The following MSI2 variants were observed in gnomAD, a reference collection of about 807,000 sequenced individuals.
The protein encoded by MSI2 is musashi RNA binding protein 2.
A neutral mutation model predicts 45.6 loss-of-function variants in MSI2; 17 were observed. The observed-to-expected ratio is 0.37, with a 90% CI of 0.26 to 0.56. MSI2 has a LOEUF of 0.56. Ranked by LOEUF, MSI2 falls within the 20% of genes least tolerant of loss-of-function variation. The pLI is 0.77. For missense variants in MSI2, 293 were observed against 444.2 expected (o/e 0.66, Z 3.06); for synonymous variants, 156 against 158.2 (o/e 0.99, Z 0.11).
At chr17:57,514,662 T>TG (rs1567870784) in intron 6 of MSI2, among the ~76,000 whole-genome samples, 2 of 148,870 alleles carry the variant, frequency 1.3e-5, no homozygotes, top group East Asian at 1.9e-4. Context: ...TTTTTTTTTT[T>TG]TTTTTTTTTT....
intron 7 of MSI2, among the ~76,000 whole-genome samples, chr17:57,534,109 C>A (rs968740343): frequency 5.9e-5 from 9 of 152,238 alleles, no homozygotes; most frequent in African/African-American, 2.2e-4. Context: ...TGATGACAGA[C>A]AGCCATAGGT....
intron 10 of MSI2, among the ~76,000 whole-genome samples, chr17:57,649,887 T>C (rs949252426): frequency 6.6e-6 from 1 of 152,164 alleles, no homozygotes; most frequent in African/African-American, 2.4e-5. Context: ...GTTTCAGATG[T>C]AGGGCACAGA....
intron 7 of MSI2, among the ~76,000 whole-genome samples, chr17:57,592,527 C>T (rs1300160355): frequency 6.6e-6 from 1 of 152,152 alleles, no homozygotes; most frequent in African/African-American, 2.4e-5. Flanking sequence ...TTTCTCTGCT[C>T]GGGCCAAACA....
intron 6 of MSI2, among the ~76,000 whole-genome samples, chr17:57,451,384 A>AGAT (rs2085016261): frequency 6.6e-6 from 1 of 152,332 alleles, no homozygotes; most frequent in South Asian, 2.1e-4. Flanking sequence ...ATAAGTCAGC[A>AGAT]GATGTTAAGT....
chr17:57,687,123 TA>T (rs1420666248), downstream of MSI2, among the ~76,000 whole-genome samples: 3 of 75,884 alleles, frequency 4.0e-5, no homozygotes, highest in African/African-American at 2.2e-4. Flanking sequence ...AAAGATTACA[TA>T]CAAACTGCCA....
intron 7 of MSI2, among the ~76,000 whole-genome samples, chr17:57,558,105 G>A (rs1249014793): frequency 1.3e-5 from 2 of 152,170 alleles, no homozygotes; most frequent in East Asian, 3.9e-4. Flanking sequence ...CTGCTGGCGT[G>A]GGGAGCTGAC....
chr17:57,673,066 G>T (rs763490657), intron 11 of MSI2, among the ~76,000 whole-genome samples: 12 of 152,192 alleles, frequency 7.9e-5, no homozygotes, highest in Admixed American at 1.3e-4. Flanking sequence ...TCACCTTCGG[G>T]CTTCCCGCCC....
Position 57,257,466 on chromosome 17 carries a change from A to G in MSI2, c.104A>G (p.Asp35Gly). The change falls in exon 3 of 14, where the codon GAT becomes GGT. Residue 35 changes from aspartate to glycine, a missense_variant and splice_region_variant. Transcript: ENST00000284073. ...IGGLSWQTSP[D>G]SLRDYFSKFG... ...CATCTCTCTCTTTCTCTCTCTACAG[A>G]TAGCCTTAGAGACTATTTTAGCAAA... 1 of 1,443,026 alleles carries G rather than the reference A, an allele frequency of 6.9e-7. No homozygotes were observed. Among genetic ancestry groups the G allele is most frequent in the South Asian group, 1.1e-5 (1 of 87,266 alleles). The allele number at this position is 1,443,026 out of a possible 1,614,324, so 89.4% of individuals were successfully genotyped here. A position where few individuals can be genotyped will look rare whatever the true frequency, so the allele number is the denominator to read the frequency against.
intron 7 of MSI2, among the ~76,000 whole-genome samples, chr17:57,562,934 C>T (rs2087617271): frequency 6.6e-6 from 1 of 151,726 alleles, no homozygotes; most frequent in African/African-American, 2.4e-5. Flanking sequence ...CCTGTCTCTA[C>T]TAAAAATACA....
intron 7 of MSI2, among the ~76,000 whole-genome samples, chr17:57,579,067 C>T (rs2088129659): frequency 1.3e-5 from 2 of 152,182 alleles, no homozygotes; most frequent in Admixed American, 1.3e-4. Context: ...CCGCTGTCAA[C>T]ATGCATTGGT....
chr17:57,612,805 A>G (rs1049453650), intron 8 of MSI2, among the ~76,000 whole-genome samples: 1 of 152,228 alleles, frequency 6.6e-6, no homozygotes, highest in Non-Finnish European at 1.5e-5. Flanking sequence ...GCAGGTTTTC[A>G]TAAGACAATG....
At chr17:57,434,390 G>A (rs567025519) in intron 6 of MSI2, among the ~76,000 whole-genome samples, 13 of 152,154 alleles carry the variant, frequency 8.5e-5, no homozygotes, top group Non-Finnish European at 1.8e-4. Flanking sequence ...ATGAGCCACC[G>A]TACCTGGCCC....
intron 7 of MSI2, among the ~76,000 whole-genome samples, chr17:57,547,182 G>A (rs2087189380): frequency 6.6e-6 from 1 of 152,214 alleles, no homozygotes; most frequent in African/African-American, 2.4e-5. Flanking sequence ...GGTAGGACAG[G>A]TGGAGGGCTG....
chr17:57,631,697 G>T, intron 10 of MSI2: 1 of 1,063,366 alleles, frequency 9.4e-7, no homozygotes, highest in South Asian at 1.4e-5. Context: ...TATGGGTTGT[G>T]ATCAGGGATC....
intron 6 of MSI2, among the ~76,000 whole-genome samples, chr17:57,481,754 C>G (rs899000545): frequency 3.9e-5 from 6 of 152,160 alleles, no homozygotes; most frequent in African/African-American, 1.4e-4. Context: ...GACTCGGCCT[C>G]AAAGGAACAT....
At chr17:57,462,068 G>A (rs28502829) in intron 6 of MSI2, among the ~76,000 whole-genome samples, 54,956 of 151,996 alleles carry the variant, frequency 0.36, 10,140 homozygotes, top group African/African-American at 0.41. Context: ...GGGCTCTGAG[G>A]GACAGTCTGT....
At chr17:57,421,320 G>C (rs916111944) in intron 6 of MSI2, among the ~76,000 whole-genome samples, 2 of 152,180 alleles carry the variant, frequency 1.3e-5, no homozygotes, top group African/African-American at 4.8e-5. Flanking sequence ...CTTTGACGGA[G>C]TATCTCCAGC....
intron 11 of MSI2, among the ~76,000 whole-genome samples, chr17:57,674,709 TG>T (rs920238693): frequency 6.6e-6 from 1 of 152,212 alleles, no homozygotes; most frequent in Non-Finnish European, 1.5e-5. Context: ...GTTGAATGAT[TG>T]TTTTTTTATT....
In MSI2 at chr17:57,652,205, G is replaced by T; in HGVS notation, c.790+44G>T. On this transcript the variant is annotated intron_variant, in intron 11 of 13. Transcript: ENST00000284073. The surrounding 1 kb of genome is among the most constrained non-coding windows in gnomAD (Gnocchi z 4.1). ...CAGGCGACTCCCAGGCATGCCCCCA[G>T]TGTGCAGGGGGAGGTCAAGGCCCTG... 1 of 1,572,584 alleles carries T rather than the reference G, an allele frequency of 6.4e-7. No individual in the cohort carries two copies. The highest frequency in any genetic ancestry group is 1.3e-5 in the African/African-American group (1 of 74,186).
Sources: gnomAD v4.1 joint callset for allele counts (sites outside exome capture counted in the v4.1 genomes callset) on GRCh38, gnomAD v4.1.1 for gene constraint, Gnocchi (gnomAD v3.1) non-coding constraint, MANE v1.5 for transcripts, NCBI Gene and HGNC (gene_info 2026-07-23, HGNC 2026-07-21) for gene names.